The following RIT2 variants were observed in gnomAD, a reference collection of about 807,000 sequenced individuals.
RIT2 encodes Ras like without CAAX 2.
In RIT2, 24 loss-of-function variants were observed where a neutral mutation model predicts 23.7. The observed-to-expected ratio is 1.01, with a 90% confidence interval of 0.73 to 1.43. The LOEUF is 1.43. RIT2 is among the 40% of genes most tolerant of loss of function. The pLI is 0.00. For missense variants in RIT2, 236 were observed against 266.9 expected, an observed-to-expected ratio of 0.88 and a Z score of 0.81; for synonymous variants, 107 against 91.1, an observed-to-expected ratio of 1.17 and a Z score of -0.99.
intron 2 of RIT2, among the ~76,000 whole-genome samples, chr18:43,012,229 T>G (rs982949765): frequency 1.3e-5 from 2 of 151,856 alleles, no homozygotes; most frequent in African/African-American, 2.4e-5. Flanking sequence ...GTCAAGACTA[T>G]TTGTTTTAAG....
At chr18:42,783,485 G>C (rs909016944) in intron 4 of RIT2, among the ~76,000 whole-genome samples, 5 of 151,996 alleles carry the variant, frequency 3.3e-5, no homozygotes, top group African/African-American at 1.2e-4. Flanking sequence ...TAAAGAATTA[G>C]GTGGTTTTCA....
intron 4 of RIT2, among the ~76,000 whole-genome samples, chr18:42,913,190 C>A (rs1908814955): frequency 7.4e-6 from 1 of 135,874 alleles, no homozygotes; most frequent in Non-Finnish European, 1.5e-5. Flanking sequence ...ATTAACCATC[C>A]ATCAGCCAAA....
At chr18:42,888,354 T>C (rs1908079631) in intron 4 of RIT2, among the ~76,000 whole-genome samples, 1 of 152,098 alleles carries the variant, frequency 6.6e-6, no homozygotes, top group South Asian at 2.1e-4. Context: ...GGTTGGTTGT[T>C]TTTTGTTTTT....
intron 4 of RIT2, among the ~76,000 whole-genome samples, chr18:42,834,302 T>G (rs961269960): frequency 6.6e-6 from 1 of 152,224 alleles, no homozygotes; most frequent in Non-Finnish European, 1.5e-5. Context: ...AGTCTAGATT[T>G]GTACTTGCTT....
intron 4 of RIT2, among the ~76,000 whole-genome samples, chr18:42,807,883 G>C (rs149889903): frequency 6.6e-6 from 1 of 152,058 alleles, no homozygotes; most frequent in South Asian, 2.1e-4. Flanking sequence ...GCAGGTAATG[G>C]TGTAGGTAAC....
intron 4 of RIT2, among the ~76,000 whole-genome samples, chr18:42,789,730 A>G (rs11877364): frequency 0.33 from 49,443 of 152,038 alleles, 10,766 homozygotes; most frequent in African/African-American, 0.61. Context: ...TGTTGATGGA[A>G]TCTTTAGGGT....
At chr18:43,037,505 G>C (rs1041179655) in intron 1 of RIT2, among the ~76,000 whole-genome samples, 1 of 151,960 alleles carries the variant, frequency 6.6e-6, no homozygotes, top group Non-Finnish European at 1.5e-5. Context: ...TGGATTTTTT[G>C]TACCAATTTA....
chr18:42,757,275 TA>T (rs1377149098), intron 4 of RIT2, among the ~76,000 whole-genome samples: 3 of 152,212 alleles, frequency 2.0e-5, no homozygotes, highest in African/African-American at 7.2e-5. Context: ...CTTGATTACA[TA>T]TGTTGTCAGG....
chr18:42,840,248 C>A (rs1028241039), intron 4 of RIT2, among the ~76,000 whole-genome samples: 1 of 152,162 alleles, frequency 6.6e-6, no homozygotes, highest in Non-Finnish European at 1.5e-5. Flanking sequence ...ATAGCCTTTG[C>A]TTATTCTCAT....
chr18:42,882,107 T>G (rs947299781), intron 4 of RIT2, among the ~76,000 whole-genome samples: 3 of 152,232 alleles, frequency 2.0e-5, no homozygotes, highest in African/African-American at 7.2e-5. Context: ...TTTGATTATT[T>G]TTTAACTATA....
chr18:42,835,475 T>G (rs1906571362), intron 4 of RIT2, among the ~76,000 whole-genome samples: 1 of 152,174 alleles, frequency 6.6e-6, no homozygotes, highest in Non-Finnish European at 1.5e-5. Flanking sequence ...ATTAGTCCAT[T>G]CTATTTATAT....
rs530275618 is a variant in RIT2 at position 42,780,989 on chromosome 18, C to A, written c.427-37269G>T. Among the ~76,000 whole-genome samples the A allele has an allele frequency of 2.6e-5, 4 of 152,128 alleles. No individual in the cohort carries two copies. In the South Asian group the frequency reaches 8.3e-4, roughly 32 times the overall value. On this transcript the variant is annotated intron_variant, in intron 4 of 4. Coordinates refer to ENST00000326695, the MANE Select transcript of RIT2 (RefSeq NM_002930.4). Reference sequence around the variant, plus strand: ...ACTGAGGCAAAAAGAAAGTAAATATCTTGGTAAAAATAATCATTTCCTTTG... The same window carrying A: ...ACTGAGGCAAAAAGAAAGTAAATATATTGGTAAAAATAATCATTTCCTTTG...
At chr18:42,809,310 A>G (rs549731829) in intron 4 of RIT2, among the ~76,000 whole-genome samples, 1 of 152,228 alleles carries the variant, frequency 6.6e-6, no homozygotes, top group African/African-American at 2.4e-5. Context: ...TTTAAATTCA[A>G]GCTTCCTAAA....
chr18:42,804,123 T>C (rs1461147559), intron 4 of RIT2, among the ~76,000 whole-genome samples: 1 of 152,192 alleles, frequency 6.6e-6, no homozygotes, highest in Non-Finnish European at 1.5e-5. Context: ...AAAATGAGAA[T>C]AAGTTTTTAA....
intron 4 of RIT2, chr18:42,920,755 T>C (rs774164050): frequency 1.3e-6 from 2 of 1,593,902 alleles, no homozygotes; most frequent in South Asian, 1.1e-5. Flanking sequence ...ACTCTTTCAG[T>C]GTAGGCTGAT....
chr18:43,087,778 T>G (rs967014379), intron 1 of RIT2, among the ~76,000 whole-genome samples: 8 of 152,176 alleles, frequency 5.3e-5, no homozygotes, highest in African/African-American at 1.9e-4. Flanking sequence ...ATTCCTGTAT[T>G]GAAGTTGCTG....
chr18:42,957,029 T>C (rs1452711771), intron 3 of RIT2, among the ~76,000 whole-genome samples: 1 of 152,144 alleles, frequency 6.6e-6, no homozygotes, highest in Non-Finnish European at 1.5e-5. Context: ...CAAAGACCTC[T>C]TAGGGACAAT....
chr18:42,773,970 A>G (rs1913608181), intron 4 of RIT2, among the ~76,000 whole-genome samples: 1 of 152,210 alleles, frequency 6.6e-6, no homozygotes, highest in Non-Finnish European at 1.5e-5. Flanking sequence ...TCTAATTGGT[A>G]CACAAAAAGG....
At chr18:42,828,963 GT>G (rs1906381430) in intron 4 of RIT2, among the ~76,000 whole-genome samples, 1 of 152,068 alleles carries the variant, frequency 6.6e-6, no homozygotes, top group Non-Finnish European at 1.5e-5. Flanking sequence ...CCCTAGACTA[GT>G]TTTCTGACTA....
Sources: allele counts gnomAD v4.1 joint callset (sites outside exome capture counted in the v4.1 genomes callset), GRCh38; gene constraint gnomAD v4.1.1; transcripts MANE v1.5; gene names NCBI Gene and HGNC (gene_info 2026-07-23, HGNC 2026-07-21).